TNRC6B: variants seen among roughly 807,000 people sequenced by gnomAD.
TNRC6B encodes trinucleotide repeat containing adaptor 6B.
A neutral mutation model predicts 203.6 loss-of-function variants in TNRC6B; 52 were observed. The observed-to-expected ratio is 0.26, with a 90% CI of 0.20 to 0.32. TNRC6B has a LOEUF of 0.32. TNRC6B is among the 10% of genes least tolerant of loss of function. The pLI, the probability that TNRC6B is intolerant of heterozygous loss-of-function variation, is 1.00. For missense variants in TNRC6B, 1,923 were observed against 2,286.2 expected, an observed-to-expected ratio of 0.84 and a Z score of 3.24; for synonymous variants, 838 against 845.7, an observed-to-expected ratio of 0.99 and a Z score of 0.16.
At chr22:40,202,263 T>G (rs570509044) in intron 1 of TNRC6B, among the ~76,000 whole-genome samples, 37 of 150,866 alleles carry the variant, frequency 2.5e-4, no homozygotes, top group Admixed American at 1.8e-3. Context: ...TTTTTTTGTT[T>G]TTTTTTTTTT....
At chr22:40,288,839 CTT>C (rs1224962691) in intron 12 of TNRC6B, among the ~76,000 whole-genome samples, 13 of 105,082 alleles carry the variant, frequency 1.2e-4, no homozygotes, top group East Asian at 5.5e-4. Context: ...CTGTGCCCAG[CTT>C]TTTTTTTTTT....
intron 4 of TNRC6B, among the ~76,000 whole-genome samples, chr22:40,262,805 C>T (rs1007547724): frequency 6.6e-6 from 1 of 151,876 alleles, no homozygotes; most frequent in Admixed American, 6.6e-5. Context: ...TTTGGGAGGC[C>T]GAGGCGGGTG....
chr22:40,234,340 A>T (rs2069920137), intron 1 of TNRC6B, among the ~76,000 whole-genome samples: 1 of 152,230 alleles, frequency 6.6e-6, no homozygotes, highest in African/African-American at 2.4e-5. Context: ...TGAAACACAG[A>T]TACAAATAAT....
intron 1 of TNRC6B, among the ~76,000 whole-genome samples, chr22:40,103,893 T>A (rs1342920126): frequency 6.6e-6 from 1 of 151,226 alleles, no homozygotes; most frequent in Non-Finnish European, 1.5e-5. Flanking sequence ...TCTGCCCACC[T>A]TGGCCTCCCA....
In TNRC6B at chr22:40,332,850, T is replaced by G. The variant is rs746867100; in HGVS notation, c.*9609T>G. 1.3e-5 allele frequency: 2 copies of G among 152,662 alleles called. No individual in the cohort carries two copies. Among genetic ancestry groups the G allele is most frequent in the Admixed American group, 6.5e-5 (1 of 15,286 alleles). The allele number at this position is 152,662 out of a possible 1,614,324, so 9.5% of individuals were successfully genotyped here. On this transcript the variant is annotated 3_prime_UTR_variant, in exon 23 of 23. Coordinates refer to ENST00000454349, the MANE Select transcript of TNRC6B (RefSeq NM_001162501.2). ...GGATAACTTTAAAAAACATTTTCTT[T>G]GCTGTGAAAGTAACCCTAAAATATG...
At chr22:40,305,833 A>G (rs57574157) in intron 15 of TNRC6B, among the ~76,000 whole-genome samples, 16,414 of 151,902 alleles carry the variant, frequency 0.11, 1,041 homozygotes, top group South Asian at 0.16. Flanking sequence ...TTGCTTGCTT[A>G]CTTTTTCTTT....
upstream of TNRC6B, among the ~76,000 whole-genome samples, chr22:40,173,588 AT>A (rs1303303001): frequency 6.8e-6 from 1 of 148,054 alleles, no homozygotes; most frequent in Non-Finnish European, 1.5e-5. Context: ...GACTTTTTTT[AT>A]TTTTTTGTAG....
rs142181793 is a variant in TNRC6B at position 40,169,833 on chromosome 22, A to T, written c.113+13651A>T. On this transcript the variant is annotated intron_variant, in intron 4 of 23. Coordinates refer to the TNRC6B transcript ENST00000301923. ...AAAAATTAAAAGGTACTCACATATC[A>T]TATTAAATACGTAGACATATCCCAT... Among the ~76,000 whole-genome samples, 228 of 152,278 alleles carry T rather than the reference A, an allele frequency of 1.5e-3. 1 individual carries two copies. The highest frequency in any genetic ancestry group is 5.3e-3 in the African/African-American group (219 of 41,550).
intron 16 of TNRC6B, among the ~76,000 whole-genome samples, chr22:40,309,072 A>G (rs1163701358): frequency 1.3e-5 from 2 of 152,244 alleles, no homozygotes; most frequent in African/African-American, 4.8e-5. Context: ...CTAATAGATC[A>G]TAATACATGA....
intron 1 of TNRC6B, among the ~76,000 whole-genome samples, chr22:40,048,124 C>A (rs930480114): frequency 2.0e-5 from 3 of 152,244 alleles, no homozygotes; most frequent in African/African-American, 7.2e-5. Context: ...CCTCTCACTT[C>A]CAGAGTTCTG....
In TNRC6B at chr22:40,323,786, TAAAAA is replaced by T. The variant is rs398061938; in HGVS notation, c.*555_*559del. Reference sequence around the variant, plus strand: ...TTTAAAAACAAAAACACAAAAAACCTAAAAAAAAAAAAAAGGAAAAAATTTGTGAT... The same window carrying T: ...TTTAAAAACAAAAACACAAAAAACCTAAAAAAAAAGGAAAAAATTTGTGAT... On this transcript the variant is annotated 3_prime_UTR_variant, in exon 23 of 23. Transcript: ENST00000454349. 8.0e-6 allele frequency: 1 copy of T among 125,154 alleles called. No homozygotes were observed. Among genetic ancestry groups the T allele is most frequent in the Non-Finnish European group, 1.7e-5 (1 of 57,284 alleles). 7.8% of individuals were successfully genotyped at this position (125,154 alleles called of 1,614,324 possible). A position where few individuals can be genotyped will look rare whatever the true frequency, so the allele number is the denominator to read the frequency against.
Position 40,281,256 on chromosome 22 carries a change from AG to A in TNRC6B, c.3552del (p.Leu1185SerfsTer34). On this transcript the variant is annotated frameshift_variant, in exon 11 of 23. Transcript: ENST00000454349. LOFTEE classifies it high-confidence loss of function. ...ACGTCAGCCTTGGAGCAATCGGCAC[AG>A]GGCTCAACCCCCAAAACTTCGCTGC... Reference protein sequence around the residue: ...PNVSLGAIGTGLNPQNFAARQ... With the variant: ...PNVSLGAIGTXLNPQNFAARQ... 1 of 1,549,006 alleles carries A rather than the reference AG, an allele frequency of 6.5e-7. No individual in the cohort carries two copies. The highest frequency in any genetic ancestry group is 8.7e-7 in the Non-Finnish European group (1 of 1,145,746).
intron 9 of TNRC6B, among the ~76,000 whole-genome samples, chr22:40,279,761 A>ATGTTT (rs770760637): frequency 3.9e-5 from 6 of 152,160 alleles, no homozygotes; most frequent in Non-Finnish European, 7.3e-5. Context: ...CAACAGATAC[A>ATGTTT]TGTTTTGTTT....
intron 4 of TNRC6B, among the ~76,000 whole-genome samples, chr22:40,164,803 T>TA (rs113951287): frequency 0.077 from 9,700 of 125,840 alleles, 1,097 homozygotes; most frequent in African/African-American, 0.25. Context: ...TTCCCTGAAA[T>TA]AGCGTCTCAC....
rs2071445403 is a variant in TNRC6B, at chr22:40,329,737, C to T, written c.*6496C>T. ...GATCCCGAGTGATTGTGGCATACCC[C>T]TAATATTTGAGTAGTTTTTAAGCTG... On this transcript the variant is annotated 3_prime_UTR_variant, in exon 23 of 23. Transcript: ENST00000454349. The T allele has an allele frequency of 2.6e-5, 4 of 152,278 alleles. No homozygotes were observed. In the South Asian group the frequency reaches 8.3e-4, roughly 32 times the overall value. The allele number at this position is 152,278 out of a possible 1,614,324, so 9.4% of individuals were successfully genotyped here. A position where few individuals can be genotyped will look rare whatever the true frequency, so the allele number is the denominator to read the frequency against.
At chr22:40,123,407 TAA>T (rs1358146698) in intron 2 of TNRC6B, among the ~76,000 whole-genome samples, 2 of 152,168 alleles carry the variant, frequency 1.3e-5, no homozygotes, top group East Asian at 3.9e-4. Context: ...AGGATGAAAG[TAA>T]AAAGATTAAA....
chr22:40,183,034 T>C (rs984784406), intron 1 of TNRC6B, among the ~76,000 whole-genome samples: 1 of 149,298 alleles, frequency 6.7e-6, no homozygotes, highest in Non-Finnish European at 1.5e-5. Flanking sequence ...AGAGACCTTA[T>C]CTGTTTTCCT....
chr22:40,255,665 G>C (rs904380121), intron 3 of TNRC6B, among the ~76,000 whole-genome samples: 12 of 152,162 alleles, frequency 7.9e-5, no homozygotes, highest in African/African-American at 2.9e-4. Flanking sequence ...ATGAGGACTT[G>C]AACCCGATTA....
chr22:40,082,531 G>A (rs774843874), intron 1 of TNRC6B, among the ~76,000 whole-genome samples: 17 of 152,162 alleles, frequency 1.1e-4, no homozygotes, highest in Admixed American at 2.6e-4. Flanking sequence ...CAAAAAGAAC[G>A]GGTTCAGGTT....
Sources: gnomAD v4.1 joint callset for allele counts (sites outside exome capture counted in the v4.1 genomes callset) on GRCh38, gnomAD v4.1.1 for gene constraint, MANE v1.5 for transcripts, NCBI Gene and HGNC (gene_info 2026-07-23, HGNC 2026-07-21) for gene names.